RBFOX2: variants seen among roughly 807,000 people sequenced by gnomAD.
RBFOX2 encodes the protein RNA binding fox-1 homolog 2.
RBFOX2 carries 10 observed loss-of-function variants against 49.1 expected under a neutral mutation model. That is an observed-to-expected ratio of 0.20 (90% CI 0.13 to 0.35). The LOEUF (loss-of-function observed/expected upper bound fraction) is 0.35. RBFOX2 is among the 10% of genes least tolerant of loss of function. The pLI is 1.00. For missense variants in RBFOX2, 323 were observed against 486.9 expected (o/e 0.66, Z 3.17); for synonymous variants, 183 against 187.4 (o/e 0.98, Z 0.19).
chr22:35,748,058 G>C (rs894654367), intron 9 of RBFOX2: 2 of 152,096 alleles, frequency 1.3e-5, no homozygotes, highest in African/African-American at 2.4e-5. Context: ...AGCTTCTAAA[G>C]CCTTTTGCTT....
intron 1 of RBFOX2, among the ~76,000 whole-genome samples, chr22:35,931,681 AGGAGGAC>A (rs2052425071): frequency 6.6e-6 from 1 of 152,284 alleles, no homozygotes; most frequent in East Asian, 1.9e-4. Flanking sequence ...AGGCTGAGGT[AGGAGGAC>A]CACTTGAGCC....
chr22:35,811,445 ACAGAG>A (rs1951849258), intron 1 of RBFOX2, among the ~76,000 whole-genome samples: 1 of 152,254 alleles, frequency 6.6e-6, no homozygotes, highest in South Asian at 2.1e-4. Flanking sequence ...ATGTGAAGAC[ACAGAG>A]CATGACCATC....
At chr22:35,848,540 A>G (rs540062596) in intron 1 of RBFOX2, among the ~76,000 whole-genome samples, 11 of 152,340 alleles carry the variant, frequency 7.2e-5, no homozygotes, top group African/African-American at 1.2e-4. Context: ...AGCTTACCCA[A>G]CAGGCCCAAT....
At chr22:35,755,227 C>A (rs565558906) in intron 9 of RBFOX2, among the ~76,000 whole-genome samples, 7 of 152,294 alleles carry the variant, frequency 4.6e-5, no homozygotes, top group Admixed American at 2.6e-4. Flanking sequence ...ACTTGAGCGA[C>A]TAAATCAAGC....
chr22:35,869,783 C>T (rs958201070), intron 1 of RBFOX2, among the ~76,000 whole-genome samples: 1 of 152,230 alleles, frequency 6.6e-6, no homozygotes, highest in South Asian at 2.1e-4. Flanking sequence ...CTACTGCAGA[C>T]TTACCAAAGT....
At chr22:35,911,112 G>A (rs2049769573) in intron 1 of RBFOX2, among the ~76,000 whole-genome samples, 3 of 152,076 alleles carry the variant, frequency 2.0e-5, no homozygotes, top group Admixed American at 2.0e-4. Flanking sequence ...TCCACTTTAA[G>A]CCTGATATGA....
intron 1 of RBFOX2, among the ~76,000 whole-genome samples, chr22:35,915,045 C>G (rs1047538242): frequency 1.3e-5 from 2 of 152,298 alleles, no homozygotes; most frequent in Non-Finnish European, 1.5e-5. Flanking sequence ...TCCCCCTTTG[C>G]CATTACAGAG....
intron 1 of RBFOX2, among the ~76,000 whole-genome samples, chr22:35,887,525 C>T (rs764898366): frequency 4.1e-4 from 63 of 152,076 alleles, no homozygotes; most frequent in Admixed American, 1.1e-3. Context: ...TTTTTTCTTA[C>T]TCATCACATA....
chr22:36,027,186 T>G (rs1362671442), intron 1 of RBFOX2, among the ~76,000 whole-genome samples: 3 of 152,058 alleles, frequency 2.0e-5, no homozygotes, highest in Non-Finnish European at 2.9e-5. Context: ...AAAGTGCACA[T>G]CACCTACTAT....
chr22:35,839,419 T>C (rs1958304109), intron 1 of RBFOX2, among the ~76,000 whole-genome samples: 1 of 143,480 alleles, frequency 7.0e-6, no homozygotes, highest in South Asian at 2.2e-4. Context: ...GAAAGGGGGA[T>C]TGAGGGGGTT....
rs1224179410 is a variant in RBFOX2, at chr22:36,028,225, G to T, written c.186+15C>A. The T allele has an allele frequency of 6.7e-7, 1 of 1,493,312 alleles. No individual in the cohort carries two copies. Among genetic ancestry groups the T allele is most frequent in the South Asian group, 1.3e-5 (1 of 78,440 alleles). 92.5% of individuals were successfully genotyped at this position (1,493,312 alleles called of 1,614,324 possible). ...CACCCCCGCAATAACTGGGCGCCCCGTCCCGCGCGGTCACCTGCATCCCGC... is the reference window on the plus strand; with the variant it reads ...CACCCCCGCAATAACTGGGCGCCCCTTCCCGCGCGGTCACCTGCATCCCGC... On this transcript the variant is annotated intron_variant, in intron 1 of 13. Transcript: ENST00000438146.
chr22:35,977,182 C>T (rs564410533), intron 1 of RBFOX2, among the ~76,000 whole-genome samples: 21 of 152,034 alleles, frequency 1.4e-4, no homozygotes, highest in East Asian at 7.7e-4. Flanking sequence ...AAAAAAACAA[C>T]GGACAATACC....
intron 1 of RBFOX2, among the ~76,000 whole-genome samples, chr22:35,900,931 T>C (rs1316462841): frequency 6.6e-6 from 1 of 152,218 alleles, no homozygotes; most frequent in East Asian, 1.9e-4. Flanking sequence ...GGCTGCCACT[T>C]TCCAGTTAGG....
At chr22:35,820,868 A>C (rs543901340) in intron 1 of RBFOX2, among the ~76,000 whole-genome samples, 1 of 152,304 alleles carries the variant, frequency 6.6e-6, no homozygotes, top group East Asian at 1.9e-4. Context: ...AGGATACCAC[A>C]AACTTTGAAG....
intron 1 of RBFOX2, among the ~76,000 whole-genome samples, chr22:35,837,690 A>G (rs1170087406): frequency 2.6e-5 from 4 of 152,198 alleles, no homozygotes; most frequent in Admixed American, 2.6e-4. Context: ...AAATTCACAA[A>G]TTTGATATTC....
intron 2 of RBFOX2, among the ~76,000 whole-genome samples, chr22:35,804,499 AGAG>A (rs1370889812): frequency 1.3e-5 from 2 of 152,162 alleles, no homozygotes; most frequent in Non-Finnish European, 2.9e-5. Flanking sequence ...GAAATCAGCA[AGAG>A]AAGAACAACT....
intron 1 of RBFOX2, among the ~76,000 whole-genome samples, chr22:35,989,179 T>A (rs561731519): frequency 1.3e-5 from 2 of 152,304 alleles, no homozygotes; most frequent in South Asian, 4.1e-4. Flanking sequence ...TTGGAAGTTG[T>A]CAGCATATAG....
At position 35,759,969 on chromosome 22, in the gene RBFOX2, C is replaced by T; in HGVS notation, c.806G>A (p.Gly269Glu). The T allele has an allele frequency of 6.2e-7, 1 of 1,613,842 alleles. No individual in the cohort carries two copies. ...CCGCCCTCTGCCCCTCAAATGGGCT[C>T]CTCTGAAAGCGGCTGCCGTGGTGGC... The change falls in exon 9 of 12, where the codon GGA (glycine) becomes GAA (glutamate). Residue 269 changes from glycine to glutamate, a missense_variant. By Grantham distance (98) the Gly-to-Glu change is moderately conservative. Around this residue, in one of 2 missense-constraint regions of RBFOX2, gnomAD observed 200 missense variants for 370.0 expected, o/e 0.54. Transcript: ENST00000405409. This position sits in a 1 kb window ranked among gnomAD's most constrained non-coding sequence, Gnocchi z 4.6.
intron 1 of RBFOX2, among the ~76,000 whole-genome samples, chr22:35,992,028 G>A (rs913009206): frequency 2.6e-5 from 4 of 152,124 alleles, no homozygotes; most frequent in Non-Finnish European, 5.9e-5. Flanking sequence ...AAGGAACTGA[G>A]CCTCAGAGAA....
Sources: allele counts gnomAD v4.1 joint callset (sites outside exome capture counted in the v4.1 genomes callset), GRCh38; gene constraint gnomAD v4.1.1; regional missense constraint gnomAD v4.1.1; non-coding constraint Gnocchi (gnomAD v3.1); transcripts MANE v1.5; gene names NCBI Gene and HGNC (gene_info 2026-07-23, HGNC 2026-07-21).